AJAP1: variants seen among roughly 807,000 people sequenced by gnomAD.
AJAP1 encodes the protein adherens junctions associated protein 1.
AJAP1 carries 5 observed loss-of-function variants against 35.0 expected under a neutral mutation model. The observed-to-expected ratio is 0.14, with a 90% CI of 0.07 to 0.30. AJAP1 has a LOEUF of 0.30. Ranked by LOEUF, AJAP1 falls within the 10% of genes least tolerant of loss-of-function variation. AJAP1 has a pLI of 1.00. For synonymous variants in AJAP1, 284 were observed against 249.3 expected (o/e 1.14, Z -1.31); for missense variants, 586 against 571.0 (o/e 1.03, Z -0.27).
chr1:4,767,644 CATCACCACCATCATCATCACTATT>C (rs1641716003), intron 2 of AJAP1, among the ~76,000 whole-genome samples: 1 of 152,064 alleles, frequency 6.6e-6, no homozygotes, highest in Non-Finnish European at 1.5e-5. Context: ...ACCACATCAC[CATCACCACCATCATCATCACTATT>C]ATCATCACCA....
intron 2 of AJAP1, among the ~76,000 whole-genome samples, chr1:4,719,225 T>C (rs574662308): frequency 6.6e-6 from 1 of 152,352 alleles, no homozygotes; most frequent in African/African-American, 2.4e-5. Context: ...AATTATTCAA[T>C]GAACCATCAG....
rs1638872448 is a variant in AJAP1 at position 4,655,964 on chromosome 1, G to C, written c.29+510G>C. Among the ~76,000 whole-genome samples, 1 of 152,020 alleles carries C rather than the reference G, an allele frequency of 6.6e-6. No homozygotes were observed. Among genetic ancestry groups the C allele is most frequent in the Non-Finnish European group, 1.5e-5 (1 of 67,982 alleles). On this transcript the variant is annotated intron_variant, in intron 1 of 5. Transcript: ENST00000378191. This position sits in a 1 kb window ranked among gnomAD's most constrained non-coding sequence, Gnocchi z 6.9. ...CCTTCTCCTTTCTCGGGGCCCCGGG[G>C]CTGAGCAGGGGCCTCCCAGGCTCCC...
chr1:4,698,118 C>T (rs1015631366), intron 1 of AJAP1, among the ~76,000 whole-genome samples: 4 of 152,210 alleles, frequency 2.6e-5, no homozygotes, highest in African/African-American at 7.2e-5. Flanking sequence ...GACAGAACCA[C>T]GGCCTCCGTT....
chr1:4,757,546 G>T (rs909693699), intron 2 of AJAP1, among the ~76,000 whole-genome samples: 1 of 152,240 alleles, frequency 6.6e-6, no homozygotes, highest in South Asian at 2.1e-4. Context: ...GCTGGAGGGG[G>T]TGAGGATTTG....
chr1:4,661,294 T>TA (rs1638993870), intron 1 of AJAP1, among the ~76,000 whole-genome samples: 1 of 152,240 alleles, frequency 6.6e-6, no homozygotes, highest in South Asian at 2.1e-4. Context: ...GTAATACTGC[T>TA]AGGCTTTTCC....
chr1:4,730,272 T>C (rs1417229683), intron 2 of AJAP1, among the ~76,000 whole-genome samples: 1 of 152,132 alleles, frequency 6.6e-6, no homozygotes, highest in Non-Finnish European at 1.5e-5. Context: ...AGCCAAGGTG[T>C]CTTGTAAACT....
chr1:4,768,351 G>A (rs1286086825), intron 2 of AJAP1, among the ~76,000 whole-genome samples: 1 of 152,192 alleles, frequency 6.6e-6, no homozygotes, highest in East Asian at 1.9e-4. Flanking sequence ...GGATCCTGGA[G>A]GAGAATCCCT....
At chr1:4,705,574 G>A (rs1640085046) in intron 1 of AJAP1, among the ~76,000 whole-genome samples, 1 of 151,648 alleles carries the variant, frequency 6.6e-6, no homozygotes, top group South Asian at 2.1e-4. Flanking sequence ...GCTTCAGCAG[G>A]GAGGGGTCCT....
At chr1:4,755,796 C>CA (rs983261642) in intron 2 of AJAP1, among the ~76,000 whole-genome samples, 83 of 151,594 alleles carry the variant, frequency 5.5e-4, no homozygotes, top group African/African-American at 1.6e-3. Flanking sequence ...TGGGAATTTG[C>CA]AGCCAAGGGG....
At chr1:4,762,166 A>G (rs1641580739) in intron 2 of AJAP1, among the ~76,000 whole-genome samples, 1 of 152,226 alleles carries the variant, frequency 6.6e-6, no homozygotes, top group Non-Finnish European at 1.5e-5. Context: ...TGCGCAGGAC[A>G]GCAGTGAGGG....
Position 4,709,228 on chromosome 1 carries a change from G to GCTGGTGGGGC in AJAP1, c.30-2662_30-2653dup, listed in dbSNP as rs1640166669. The stretch of plus-strand genomic sequence containing the variant: ...GCCTGCCTGGTGGGGGCTGGTGGGG[G>GCTGGTGGGGC]CTGGTGGGGCCTGGTGGGGGCCGGT... On this transcript the variant is annotated intron_variant, in intron 1 of 5. Coordinates refer to ENST00000378191, the MANE Select transcript of AJAP1 (RefSeq NM_018836.4). 2.1e-5 allele frequency among the ~76,000 whole-genome samples: 3 copies of GCTGGTGGGGC among 144,388 alleles called. No individual in the cohort carries two copies. In the Admixed American group the frequency reaches 2.1e-4, roughly 10 times the overall value. The allele number at this position is 144,388 out of a possible 152,430, so 94.7% of individuals were successfully genotyped here. A position where few individuals can be genotyped will look rare whatever the true frequency, so the allele number is the denominator to read the frequency against.
At chr1:4,669,295 T>G (rs928117257) in intron 1 of AJAP1, among the ~76,000 whole-genome samples, 1 of 152,194 alleles carries the variant, frequency 6.6e-6, no homozygotes, top group African/African-American at 2.4e-5. Flanking sequence ...AATGAGATCA[T>G]ACAATTAATA....
At chr1:4,671,033 C>T (rs541500411) in intron 1 of AJAP1, among the ~76,000 whole-genome samples, 29 of 152,326 alleles carry the variant, frequency 1.9e-4, no homozygotes, top group Admixed American at 4.6e-4. Flanking sequence ...ATCATTTCTC[C>T]ACATAGGTGA....
chr1:4,744,343 G>C (rs1194794973), intron 2 of AJAP1, among the ~76,000 whole-genome samples: 1 of 152,212 alleles, frequency 6.6e-6, no homozygotes, highest in Non-Finnish European at 1.5e-5. Context: ...TGGTAGATGA[G>C]TGGGCTGAGA....
chr1:4,674,133 G>GGC (rs1487917864), intron 1 of AJAP1, among the ~76,000 whole-genome samples: 1 of 150,870 alleles, frequency 6.6e-6, no homozygotes, highest in Non-Finnish European at 1.5e-5. Flanking sequence ...GGTTAAATCT[G>GGC]GCCACCCGAT....
intron 1 of AJAP1, among the ~76,000 whole-genome samples, chr1:4,707,973 T>G (rs142849480): frequency 9.1e-5 from 10 of 109,760 alleles, no homozygotes; most frequent in Admixed American, 4.0e-4. Context: ...GTTTTTTTTT[T>G]GTTTTTTTTT....
chr1:4,752,447 C>A (rs1219898140), intron 2 of AJAP1, among the ~76,000 whole-genome samples: 1 of 152,140 alleles, frequency 6.6e-6, no homozygotes, highest in Admixed American at 6.5e-5. Flanking sequence ...AGGAAGAATG[C>A]CCATACCTTC....
intron 2 of AJAP1, among the ~76,000 whole-genome samples, chr1:4,753,185 A>G (rs1641358111): frequency 1.3e-5 from 2 of 152,166 alleles, no homozygotes; most frequent in South Asian, 2.1e-4. Flanking sequence ...CATCCCCAAC[A>G]TGGAAAATAG....
chr1:4,655,535 CA>C lies in AJAP1; in HGVS notation c.29+84del. 6.7e-7 allele frequency: 1 copy of C among 1,490,276 alleles called. No homozygotes were observed. Among genetic ancestry groups the C allele is most frequent in the Admixed American group, 2.0e-5 (1 of 51,260 alleles). The allele number at this position is 1,490,276 out of a possible 1,614,324, so 92.3% of individuals were successfully genotyped here. ...GGAAGCGGCGCTTTCCTCTATGTTG[CA>C]AATCAAGGGACCCCTCTTCGCTTCC... is the stretch of plus-strand genomic sequence containing the variant. On this transcript the variant is annotated intron_variant, in intron 1 of 5. Coordinates refer to ENST00000378191, the MANE Select transcript of AJAP1 (RefSeq NM_018836.4). The surrounding 1 kb of genome is among the most constrained non-coding windows in gnomAD (Gnocchi z 6.9).
Sources: gnomAD v4.1 joint callset for allele counts (sites outside exome capture counted in the v4.1 genomes callset) on GRCh38, gnomAD v4.1.1 for gene constraint, Gnocchi (gnomAD v3.1) non-coding constraint, MANE v1.5 for transcripts, NCBI Gene and HGNC (gene_info 2026-07-23, HGNC 2026-07-21) for gene names.